Variants in TMEM39B observed in about 807,000 individuals in gnomAD.
TMEM39B encodes transmembrane protein 39B.
A neutral mutation model predicts 52.2 loss-of-function variants in TMEM39B; 23 were observed. The observed-to-expected ratio is 0.44, with a 90% CI of 0.32 to 0.62. TMEM39B has a LOEUF of 0.62. Among genes scored for constraint, TMEM39B ranks in the 20% least tolerant of loss-of-function variants. The pLI, the probability that TMEM39B is intolerant of heterozygous loss-of-function variation, is 0.06. For synonymous variants in TMEM39B, 285 were observed against 264.0 expected (o/e 1.08, Z -0.77); for missense variants, 547 against 642.0 (o/e 0.85, Z 1.60).
chr1:32,077,354 A>G, intron 5 of TMEM39B, 36 bp downstream of exon 5: 3 of 1,612,334 alleles, frequency 1.9e-6, no homozygotes, highest in Non-Finnish European at 2.5e-6. Context: ...ACTGCCCAGC[A>G]CCTGGCCCCT....
chr1:32,080,075 A>G (rs1209918572), intron 5 of TMEM39B, among the ~76,000 whole-genome samples: 1 of 151,716 alleles, frequency 6.6e-6, no homozygotes, highest in Non-Finnish European at 1.5e-5. Flanking sequence ...TTCTTAGTAG[A>G]GATGGGGTTT....
At chr1:32,078,068 C>A (rs187918794) in intron 5 of TMEM39B, among the ~76,000 whole-genome samples, 1 of 152,242 alleles carries the variant, frequency 6.6e-6, no homozygotes, top group Admixed American at 6.5e-5. Flanking sequence ...CAAGCTGGGT[C>A]AATCCTGGTC....
chr1:32,098,692 T>G (rs1488604600), intron 7 of TMEM39B, among the ~76,000 whole-genome samples: 1 of 151,850 alleles, frequency 6.6e-6, no homozygotes, highest in Admixed American at 6.6e-5. Flanking sequence ...GAGATAGAGA[T>G]AGCGCCACTG....
intron 5 of TMEM39B, chr1:32,086,988 G>A (rs1261632635): frequency 6.6e-6 from 1 of 152,226 alleles, no homozygotes; most frequent in Non-Finnish European, 1.5e-5. Flanking sequence ...GATTGCTCCT[G>A]AATAGCTGGG....
At chr1:32,088,762 C>G (rs1447040586) in intron 5 of TMEM39B, among the ~76,000 whole-genome samples, 1 of 152,072 alleles carries the variant, frequency 6.6e-6, no homozygotes, top group African/African-American at 2.4e-5. Flanking sequence ...ACAAAGCCAG[C>G]GAGATTCTTT....
At chr1:32,102,347 C>T (rs965380054) in intron 8 of TMEM39B, 84 bp from the exon 9 acceptor site, 2 of 1,548,410 alleles carry the variant, frequency 1.3e-6, no homozygotes, top group African/African-American at 1.4e-5. Context: ...AGGCTGTCCC[C>T]TTCACTGGCC....
At chr1:32,094,315 C>T in intron 6 of TMEM39B, among the ~76,000 whole-genome samples, 1 of 149,410 alleles carries the variant, frequency 6.7e-6, no homozygotes, top group Non-Finnish European at 1.5e-5. Flanking sequence ...TTAGTAGAGA[C>T]AGGGTTTCAC....
rs3831938 is a variant in TMEM39B, at chr1:32,075,839, G to GGTGTGTGT, written c.351+35_351+42dup. 2.4e-6 allele frequency: 3 copies of GGTGTGTGT among 1,260,914 alleles called. No homozygotes were observed. Among genetic ancestry groups the GGTGTGTGT allele is most frequent in the African/African-American group, 1.6e-5 (1 of 64,356 alleles). 78.1% of individuals were successfully genotyped at this position (1,260,914 alleles called of 1,614,324 possible). ...ACCTCCCTGGTAGGTACCCAACAAG[G>GGTGTGTGT]GTGTGTGTGTGTGTGTGTGTGTGTG... On this transcript the variant is annotated intron_variant, in intron 3 of 8. Coordinates refer to ENST00000336294, the MANE Select transcript of TMEM39B (RefSeq NM_018056.4).
In TMEM39B at chr1:32,094,981, C is replaced by T. The variant is rs369324908; in HGVS notation, c.1115+10C>T. The T allele has an allele frequency of 1.9e-6, 3 of 1,611,982 alleles. No homozygotes were observed. The highest frequency in any genetic ancestry group is 2.5e-6 in the Non-Finnish European group (3 of 1,179,566). On this transcript the variant is annotated intron_variant, in intron 7 of 8. Coordinates refer to ENST00000336294, the MANE Select transcript of TMEM39B (RefSeq NM_018056.4). ...ACGTGCTGCAGCACCCGTGAGTCAC[C>T]CTACCCTGCTCAACCCAATCCCAGC...
chr1:32,074,574 G>A (rs1016381420), intron 1 of TMEM39B, among the ~76,000 whole-genome samples: 2 of 152,166 alleles, frequency 1.3e-5, no homozygotes, highest in African/African-American at 4.8e-5. Context: ...GATAATTTCA[G>A]AGAGTGAATT....
At chr1:32,074,773 T>C (rs1569851848) in intron 1 of TMEM39B, among the ~76,000 whole-genome samples, 178 bp from the exon 2 acceptor site, 1 of 151,422 alleles carries the variant, frequency 6.6e-6, no homozygotes, top group Admixed American at 6.6e-5. Flanking sequence ...AGAGGGTGGG[T>C]GTGAGGTAGA....
chr1:32,095,100 C>T (rs2124490316), intron 7 of TMEM39B, 129 bp downstream of exon 7: 1 of 1,120,214 alleles, frequency 8.9e-7, no homozygotes, highest in East Asian at 2.6e-5. Context: ...TATTATTAGG[C>T]CAGGTGTCCA....
At chr1:32,102,218 C>A (rs1364303073) in intron 8 of TMEM39B, among the ~76,000 whole-genome samples, 3 of 152,086 alleles carry the variant, frequency 2.0e-5, no homozygotes, top group Non-Finnish European at 2.9e-5. Flanking sequence ...AGATGACTTA[C>A]ATCAGAAGCA....
intron 5 of TMEM39B, among the ~76,000 whole-genome samples, chr1:32,090,678 C>T (rs1640568230): frequency 6.6e-6 from 1 of 151,954 alleles, no homozygotes; most frequent in Non-Finnish European, 1.5e-5. Context: ...CTCGCTCTGT[C>T]GCCCAGGCTG....
At chr1:32,076,991 C>A (rs150179051) in intron 4 of TMEM39B, 145 bp downstream of exon 4, 72 of 1,263,554 alleles carry the variant, frequency 5.7e-5, no homozygotes, top group East Asian at 3.3e-4. Flanking sequence ...AGTTACATCC[C>A]ATCTTGGAGT....
chr1:32,093,051 C>T (rs539502190), intron 6 of TMEM39B, among the ~76,000 whole-genome samples: 1 of 152,202 alleles, frequency 6.6e-6, no homozygotes, highest in Non-Finnish European at 1.5e-5. Flanking sequence ...TCTCAGTCTC[C>T]TGGGAAGGTA....
Position 32,075,081 on chromosome 1 carries a change from A to T in TMEM39B, c.131+4A>T. 1 of 1,548,710 alleles carries T rather than the reference A, an allele frequency of 6.5e-7. No homozygotes were observed. The highest frequency in any genetic ancestry group is 1.4e-5 in the African/African-American group (1 of 73,090). On this transcript the variant is annotated splice_donor_region_variant and intron_variant, in intron 2 of 8. Transcript: ENST00000336294. ...CCAGTGTTCGTTCCCGCACCAGGTA[A>T]ACCACCTCTCTGTCTCACCCCTCAC... is the stretch of plus-strand genomic sequence containing the variant.
In TMEM39B at chr1:32,073,914, G is replaced by A. The variant is rs1158121357; in HGVS notation, c.4+863G>A. ...ACTTTTTAAAAATATGTATATGTATGTATATATATTTTTTAATAGAGACCG... is the reference window on the plus strand; with the variant it reads ...ACTTTTTAAAAATATGTATATGTATATATATATATTTTTTAATAGAGACCG... On this transcript the variant is annotated intron_variant, in intron 1 of 8. Transcript: ENST00000336294. The A allele has an allele frequency of 7.2e-6, 7 of 976,252 alleles. No individual in the cohort carries two copies. The African/African-American group carries it at 1.2e-4, about 17-fold the overall frequency. 60.5% of individuals were successfully genotyped at this position (976,252 alleles called of 1,614,324 possible). A position where few individuals can be genotyped will look rare whatever the true frequency, so the allele number is the denominator to read the frequency against.
chr1:32,095,676 G>A (rs1234548423), intron 7 of TMEM39B: 1 of 152,678 alleles, frequency 6.5e-6, no homozygotes, highest in African/African-American at 2.4e-5. Flanking sequence ...AGCTCCTCAA[G>A]GCCAGGATCA....
Sources: allele counts gnomAD v4.1 joint callset (sites outside exome capture counted in the v4.1 genomes callset), GRCh38; gene constraint gnomAD v4.1.1; transcripts MANE v1.5; gene names NCBI Gene and HGNC (gene_info 2026-07-23, HGNC 2026-07-21).